Variants in DOK6 observed in about 807,000 individuals in gnomAD.
DOK6 encodes docking protein 6, also known as downstream of tyrosine kinase 6.
Under a neutral mutation model 44.0 loss-of-function variants are expected in DOK6, and 22 were observed. The observed-to-expected ratio is 0.50, with a 90% CI of 0.36 to 0.71. The LOEUF (loss-of-function observed/expected upper bound fraction) is 0.71, where lower values mean the gene tolerates loss of function less well. Ranked by LOEUF, DOK6 falls within the 30% of genes least tolerant of loss-of-function variation. The probability of loss-of-function intolerance (pLI) is 0.00; values close to 1 mark genes in which losing one functional copy is unlikely to be tolerated. For synonymous variants in DOK6, 166 were observed against 145.5 expected (o/e 1.14, Z -1.01); for missense variants, 340 against 416.4 (o/e 0.82, Z 1.60).
intron 7 of DOK6, among the ~76,000 whole-genome samples, chr18:69,762,229 C>A (rs1245980203): frequency 6.6e-6 from 1 of 152,112 alleles, no homozygotes; most frequent in African/African-American, 2.4e-5. Flanking sequence ...GTAGTCCTAG[C>A]TACTCTGGAG....
intron 7 of DOK6, among the ~76,000 whole-genome samples, chr18:69,778,307 T>C (rs1347554229): frequency 6.6e-6 from 1 of 152,042 alleles, no homozygotes; most frequent in Non-Finnish European, 1.5e-5. Flanking sequence ...GATGCCGAGA[T>C]GGGTTGAGAT....
At chr18:69,767,536 A>T (rs545552757) in intron 7 of DOK6, among the ~76,000 whole-genome samples, 10 of 19,414 alleles carry the variant, frequency 5.2e-4, no homozygotes, top group Non-Finnish European at 7.3e-4. Flanking sequence ...AGCTCAGCCC[A>T]GTGCAGAGGA....
chr18:69,431,606 G>A (rs1978808426), intron 1 of DOK6, among the ~76,000 whole-genome samples: 1 of 152,066 alleles, frequency 6.6e-6, no homozygotes, highest in Non-Finnish European at 1.5e-5. Context: ...TCTCATTCCA[G>A]CCCAAGAATG....
chr18:69,841,753 C>T lies in DOK6; in HGVS notation c.*370C>T, dbSNP rs558855671. 6.8e-5 allele frequency: 14 copies of T among 206,416 alleles called. No homozygotes were observed. The highest frequency in any genetic ancestry group is 1.8e-4 in the African/African-American group (8 of 44,392). The allele number at this position is 206,416 out of a possible 1,614,324, so 12.8% of individuals were successfully genotyped here. On this transcript the variant is annotated 3_prime_UTR_variant, in exon 8 of 8. Coordinates refer to ENST00000382713, the MANE Select transcript of DOK6 (RefSeq NM_152721.6). Reference sequence around the variant, plus strand: ...CTCTCACTGACCTCACAGCGCAGTCCGCCCATCTGAGCACAGGGTCTGTCC... The same window carrying T: ...CTCTCACTGACCTCACAGCGCAGTCTGCCCATCTGAGCACAGGGTCTGTCC...
intron 2 of DOK6, among the ~76,000 whole-genome samples, chr18:69,584,426 G>A (rs1247343619): frequency 2.6e-5 from 4 of 151,960 alleles, no homozygotes; most frequent in African/African-American, 7.2e-5. Context: ...TCGAGTAGCT[G>A]AGATTACAGC....
At chr18:69,816,793 T>C (rs571100663) in intron 7 of DOK6, among the ~76,000 whole-genome samples, 3 of 152,292 alleles carry the variant, frequency 2.0e-5, no homozygotes, top group Admixed American at 6.5e-5. Flanking sequence ...GCGGAACTGT[T>C]CGTGACCATT....
intron 1 of DOK6, among the ~76,000 whole-genome samples, chr18:69,407,541 A>G (rs369600889): frequency 6.6e-6 from 1 of 152,204 alleles, no homozygotes; most frequent in East Asian, 1.9e-4. Context: ...GAACATTTTC[A>G]TTAACTTTCT....
At chr18:69,608,660 T>C (rs957780111) in intron 3 of DOK6, among the ~76,000 whole-genome samples, 1 of 152,198 alleles carries the variant, frequency 6.6e-6, no homozygotes, top group Admixed American at 6.5e-5. Context: ...TTTGTTTGTA[T>C]CTTTTTGAAT....
At chr18:69,685,129 A>G (rs1404794386) in intron 4 of DOK6, among the ~76,000 whole-genome samples, 3 of 152,220 alleles carry the variant, frequency 2.0e-5, no homozygotes, top group African/African-American at 7.2e-5. Flanking sequence ...ACAGAAAATT[A>G]ACGCAATTTA....
At chr18:69,595,749 T>C (rs1206496298) in intron 2 of DOK6, among the ~76,000 whole-genome samples, 1 of 152,178 alleles carries the variant, frequency 6.6e-6, no homozygotes, top group East Asian at 1.9e-4. Flanking sequence ...TATGTGAATT[T>C]ATGAGTTATG....
chr18:69,711,349 T>A (rs1312975930), intron 5 of DOK6, among the ~76,000 whole-genome samples: 2 of 152,208 alleles, frequency 1.3e-5, no homozygotes, highest in Non-Finnish European at 2.9e-5. Flanking sequence ...AGGTAACATA[T>A]TCAAATAAAA....
intron 4 of DOK6, among the ~76,000 whole-genome samples, chr18:69,695,977 G>A (rs1331099302): frequency 1.3e-5 from 2 of 152,104 alleles, no homozygotes; most frequent in East Asian, 3.9e-4. Context: ...TCACCTGCTG[G>A]TATTGACTAG....
At chr18:69,705,093 C>T (rs571304299) in intron 5 of DOK6, 3 of 152,218 alleles carry the variant, frequency 2.0e-5, no homozygotes, top group Non-Finnish European at 4.4e-5. Context: ...CTCGGCCCTC[C>T]AGGAGGATTT....
intron 1 of DOK6, among the ~76,000 whole-genome samples, chr18:69,538,594 G>T (rs914984533): frequency 6.6e-6 from 1 of 152,032 alleles, no homozygotes; most frequent in African/African-American, 2.4e-5. Context: ...TATTGCCCAT[G>T]CTGGCCTCCA....
chr18:69,668,136 G>A lies in DOK6; in HGVS notation c.290-9598G>A, dbSNP rs142140854. Among the ~76,000 whole-genome samples the A allele has an allele frequency of 1.7e-4, 26 of 151,750 alleles. No individual in the cohort carries two copies. The East Asian group carries it at 3.7e-3, about 22-fold the overall frequency. ...CCCTCATACTCTGCTTGCAAATCTT[G>A]TAGGCTTTCCTGAATATATCCTAAA... is the stretch of plus-strand genomic sequence containing the variant. On this transcript the variant is annotated intron_variant, in intron 3 of 7. Transcript: ENST00000382713.
chr18:69,419,481 G>C (rs1599121923), intron 1 of DOK6, among the ~76,000 whole-genome samples: 1 of 152,114 alleles, frequency 6.6e-6, no homozygotes, highest in African/African-American at 2.4e-5. Flanking sequence ...CAAAAGAAAA[G>C]TAATAGCACC....
chr18:69,727,569 A>T (rs1296599460), intron 5 of DOK6, among the ~76,000 whole-genome samples: 1 of 152,214 alleles, frequency 6.6e-6, no homozygotes, highest in African/African-American at 2.4e-5. Flanking sequence ...AGAAACTTAG[A>T]AAAAATATTT....
At chr18:69,762,071 G>A (rs1232764634) in intron 7 of DOK6, among the ~76,000 whole-genome samples, 3 of 152,238 alleles carry the variant, frequency 2.0e-5, no homozygotes, top group Middle Eastern at 3.4e-3. Flanking sequence ...GGGCCAAGCC[G>A]GCAACTTGGC....
At chr18:69,528,019 C>T (rs367691519) in intron 1 of DOK6, among the ~76,000 whole-genome samples, 7 of 151,720 alleles carry the variant, frequency 4.6e-5, no homozygotes, top group African/African-American at 9.7e-5. Flanking sequence ...AAAAATTAGC[C>T]GGGCATGATG....
Sources: allele counts gnomAD v4.1 joint callset (sites outside exome capture counted in the v4.1 genomes callset), GRCh38; gene constraint gnomAD v4.1.1; transcripts MANE v1.5; gene names NCBI Gene and HGNC (gene_info 2026-07-23, HGNC 2026-07-21).